The following COL6A5 variants were observed in gnomAD, a reference collection of about 807,000 sequenced individuals.
COL6A5 encodes the protein collagen type VI alpha 5 chain.
COL6A5 carries 48 observed loss-of-function variants against 65.6 expected under a neutral mutation model. The observed-to-expected ratio is 0.73, with a 90% CI of 0.58 to 0.93. The LOEUF is 0.93. COL6A5 is among the 40% of genes least tolerant of loss of function. The pLI is 0.00. For synonymous variants in COL6A5, 291 were observed against 322.8 expected, an observed-to-expected ratio of 0.90 and a Z score of 1.05; for missense variants, 914 against 928.3, an observed-to-expected ratio of 0.98 and a Z score of 0.20.
intron 13 of COL6A5, among the ~76,000 whole-genome samples, chr3:130,404,228 A>G (rs1391618045): frequency 6.6e-6 from 1 of 152,222 alleles, no homozygotes; most frequent in Non-Finnish European, 1.5e-5. Context: ...CAGAACTCTC[A>G]CTTTCTCATC....
chr3:130,364,150 C>T (rs1222945046), intron 1 of COL6A5, among the ~76,000 whole-genome samples: 1 of 152,108 alleles, frequency 6.6e-6, no homozygotes, highest in Non-Finnish European at 1.5e-5. Flanking sequence ...TCCTGGGAAG[C>T]CACATATTAT....
intron 2 of COL6A5, among the ~76,000 whole-genome samples, chr3:130,375,473 C>T (rs1284516341): frequency 6.6e-6 from 1 of 152,122 alleles, no homozygotes; most frequent in Non-Finnish European, 1.5e-5. Flanking sequence ...GTTTCTCTTA[C>T]ATTGCGCGCC....
At chr3:130,445,168 C>T (rs574066629) in intron 4 of COL6A5, among the ~76,000 whole-genome samples, 1 of 152,218 alleles carries the variant, frequency 6.6e-6, no homozygotes, top group Non-Finnish European at 1.5e-5. Flanking sequence ...GTGGCCATTG[C>T]AGTGACTGTA....
chr3:130,366,164 G>A (rs1177041827), intron 1 of COL6A5, among the ~76,000 whole-genome samples: 3 of 152,142 alleles, frequency 2.0e-5, no homozygotes, highest in African/African-American at 7.2e-5. Flanking sequence ...TGAAGTTGTG[G>A]CAAATAGAAG....
At chr3:130,346,780 A>C (rs1194432352) in intron 1 of COL6A5, among the ~76,000 whole-genome samples, 1 of 152,210 alleles carries the variant, frequency 6.6e-6, no homozygotes, top group East Asian at 1.9e-4. Context: ...GCTTGTTCTG[A>C]AATTAATCAT....
chr3:130,466,828 C>T (rs1219753496), intron 5 of COL6A5, among the ~76,000 whole-genome samples: 1 of 151,902 alleles, frequency 6.6e-6, no homozygotes, highest in Non-Finnish European at 1.5e-5. Context: ...TATGAACAAT[C>T]TTTTGCATAT....
exon 9 of COL6A5, chr3:130,397,607 G>A (rs1936645507): frequency 6.4e-7 from 1 of 1,550,818 alleles, no homozygotes; most frequent in Non-Finnish European, 8.7e-7. Flanking sequence ...ATAGTGGTTG[G>A]GTTTGACATC....
At position 130,476,258 on chromosome 3, in the gene COL6A5, T is replaced by G. The variant is rs143285840; in HGVS notation, c.2328+5291T>G. 7.9e-5 allele frequency among the ~76,000 whole-genome samples: 12 copies of G among 152,192 alleles called. 1 individual carries two copies. The East Asian group carries it at 2.3e-3, about 30-fold the overall frequency. ...AGGATCTTGGTGTCTCTTTCTCTTT[T>G]TATAAGAGTAACGGTTCCGTAAAAT... On this transcript the variant is annotated intron_variant, in intron 7 of 7. Transcript: ENST00000512836.
At chr3:130,406,443 G>A (rs570995186) in intron 17 of COL6A5, 122 bp downstream of exon 17, 25 of 720,746 alleles carry the variant, frequency 3.5e-5, no homozygotes, top group Non-Finnish European at 5.2e-5. Context: ...CATAATGAAG[G>A]CCTATTGCTA....
intron 7 of COL6A5, chr3:130,477,325 T>G (rs1217190267): frequency 1.0e-5 from 4 of 397,790 alleles, no homozygotes; most frequent in Non-Finnish European, 1.8e-5. Context: ...AAAATATAAA[T>G]CCATTATATC....
chr3:130,360,566 T>C (rs1451397519), intron 1 of COL6A5, among the ~76,000 whole-genome samples: 1 of 152,130 alleles, frequency 6.6e-6, no homozygotes, highest in East Asian at 1.9e-4. Flanking sequence ...GTATCATTTG[T>C]GGTGAAAGCA....
chr3:130,351,456 C>G (rs998332769), intron 1 of COL6A5, among the ~76,000 whole-genome samples: 1 of 152,066 alleles, frequency 6.6e-6, no homozygotes, highest in African/African-American at 2.4e-5. Flanking sequence ...AGAACTTAAA[C>G]AAATTTACAA....
At chr3:130,484,231 C>T (rs928325932) in exon 8 of COL6A5, 34 of 578,208 alleles carry the variant, frequency 5.9e-5, no homozygotes, top group Middle Eastern at 3.2e-4. Flanking sequence ...GAAGAATTTT[C>T]GGAGTGAAGA....
chr3:130,456,445 A>G (rs543642685), intron 5 of COL6A5, among the ~76,000 whole-genome samples: 18 of 152,228 alleles, frequency 1.2e-4, no homozygotes, highest in African/African-American at 4.3e-4. Flanking sequence ...AAAAATAACC[A>G]AAAGAGTATA....
chr3:130,364,356 A>G (rs1935252323), intron 1 of COL6A5, among the ~76,000 whole-genome samples: 2 of 152,208 alleles, frequency 1.3e-5, no homozygotes, highest in African/African-American at 4.8e-5. Context: ...TAAGGTTAGC[A>G]GGCATTTACT....
At chr3:130,407,482 A>T (rs1937032443) in intron 17 of COL6A5, among the ~76,000 whole-genome samples, 1 of 152,260 alleles carries the variant, frequency 6.6e-6, no homozygotes, top group African/African-American at 2.4e-5. Flanking sequence ...CAAAGATGAG[A>T]GGCAGATCTG....
chr3:130,365,364 G>A (rs1297007389), intron 1 of COL6A5, among the ~76,000 whole-genome samples: 5 of 152,114 alleles, frequency 3.3e-5, no homozygotes, highest in South Asian at 2.1e-4. Context: ...TGCAAGCTCC[G>A]CCTCCCGGGT....
intron 2 of COL6A5, among the ~76,000 whole-genome samples, chr3:130,374,861 G>T (rs915896549): frequency 2.6e-5 from 4 of 152,124 alleles, no homozygotes; most frequent in African/African-American, 9.7e-5. Flanking sequence ...GTGTATGTCC[G>T]TGTCTGTGTG....
At chr3:130,362,600 G>T (rs1190691539) in intron 1 of COL6A5, among the ~76,000 whole-genome samples, 1 of 151,914 alleles carries the variant, frequency 6.6e-6, no homozygotes, top group Non-Finnish European at 1.5e-5. Flanking sequence ...CTTTAAAATT[G>T]TATTGTTTAT....
Sources: gnomAD v4.1 joint callset for allele counts (sites outside exome capture counted in the v4.1 genomes callset) on GRCh38, gnomAD v4.1.1 for gene constraint, MANE v1.5 for transcripts, NCBI Gene and HGNC (gene_info 2026-07-23, HGNC 2026-07-21) for gene names.